CD81: variants seen among roughly 807,000 people sequenced by gnomAD.
The protein encoded by CD81 is CD81 antigen.
In CD81, 10 loss-of-function variants were observed where a neutral mutation model predicts 30.1. The ratio of observed to expected loss-of-function variants is 0.33; its 90% CI spans 0.21 to 0.56. CD81 has a LOEUF of 0.56. Ranked by LOEUF, CD81 falls within the 20% of genes least tolerant of loss-of-function variation. CD81 has a pLI of 0.89. For missense variants in CD81, 263 were observed against 308.7 expected (o/e 0.85, Z 1.11); for synonymous variants, 147 against 126.4 (o/e 1.16, Z -1.10).
intron 1 of CD81, among the ~76,000 whole-genome samples, chr11:2,379,638 G>A (rs1849670882): frequency 6.6e-6 from 1 of 152,068 alleles, no homozygotes; most frequent in Non-Finnish European, 1.5e-5. Context: ...AGCCCCCTGG[G>A]AGTGTCGCCA....
chr11:2,383,493 G>C (rs759729069), intron 1 of CD81, among the ~76,000 whole-genome samples: 2 of 152,148 alleles, frequency 1.3e-5, no homozygotes, highest in African/African-American at 4.8e-5. Context: ...CCTTCACCCA[G>C]TATCTCCAGG....
intron 1 of CD81, chr11:2,379,165 G>T (rs1452783106): frequency 2.2e-6 from 1 of 455,734 alleles, no homozygotes; most frequent in African/African-American, 2.0e-5. Context: ...CCAGACACAG[G>T]ATGTCCCTCT....
rs1442238073 is a variant in CD81, at chr11:2,396,679, A to G, written c.613A>G (p.Ile205Val). 4.3e-6 allele frequency: 7 copies of G among 1,611,956 alleles called. No individual in the cohort carries two copies. The East Asian group carries it at 8.9e-5, about 21-fold the overall frequency. ...CCTCTTCTCCGGGAAGCTGTACCTC[A>G]TCGGCATTGCTGCCATCGTGGTCGC... ...DDLFSGKLYL[I>V]GIAAIVVAVI... Residue 205 changes from isoleucine to valine, a missense_variant, in exon 7 of 8, where the codon ATC (isoleucine) becomes GTC (valine). Transcript: ENST00000263645.
At chr11:2,385,077 C>T (rs970375893) in intron 1 of CD81, among the ~76,000 whole-genome samples, 2 of 152,174 alleles carry the variant, frequency 1.3e-5, no homozygotes, top group East Asian at 1.9e-4. Context: ...CCCTGGGAAG[C>T]GTTGGCTCTG....
In CD81 at chr11:2,395,979, G is replaced by T; in HGVS notation, c.561+9G>T. The T allele has an allele frequency of 1.3e-6, 2 of 1,573,006 alleles. No homozygotes were observed. Among genetic ancestry groups the T allele is most frequent in the Non-Finnish European group, 1.7e-6 (2 of 1,144,634 alleles). On this transcript the variant is annotated intron_variant, in intron 6 of 7. Transcript: ENST00000263645. ...TCAGCAACCTCTTCAAGGTGCGCGAGGCCGGTGGGGCCGCGCCTGACCCCC... is the reference window on the plus strand; with the variant it reads ...TCAGCAACCTCTTCAAGGTGCGCGATGCCGGTGGGGCCGCGCCTGACCCCC...
chr11:2,386,703 C>T (rs571950353), intron 1 of CD81: 11 of 699,010 alleles, frequency 1.6e-5, no homozygotes, highest in Non-Finnish European at 1.9e-5. Context: ...GGGTGGCTCC[C>T]GACTACTTCT....
Position 2,397,238 on chromosome 11 carries a change from G to C in CD81, c.*372G>C, listed in dbSNP as rs1850030367. 5.4e-6 allele frequency: 2 copies of C among 370,782 alleles called. No individual in the cohort carries two copies. Among genetic ancestry groups the C allele is most frequent in the African/African-American group, 4.2e-5 (2 of 47,790 alleles). The allele number at this position is 370,782 out of a possible 1,614,324, so 23.0% of individuals were successfully genotyped here. A position where few individuals can be genotyped will look rare whatever the true frequency, so the allele number is the denominator to read the frequency against. ...TCCACCCAGCCCGCCCGTCCTGTGG[G>C]CTGCACAGCTCACCTTGTTCCCTCC... is the stretch of plus-strand genomic sequence containing the variant. On this transcript the variant is annotated 3_prime_UTR_variant, in exon 8 of 8. Transcript: ENST00000263645.
In CD81 at chr11:2,397,394, G is replaced by A; in HGVS notation, c.*528G>A. The A allele has an allele frequency of 4.9e-6, 1 of 203,918 alleles. No homozygotes were observed. The highest frequency in any genetic ancestry group is 1.0e-5 in the Non-Finnish European group (1 of 98,458). The allele number at this position is 203,918 out of a possible 1,614,324, so 12.6% of individuals were successfully genotyped here. ...TTAATAAAGAAGGAACATCAGGCATGCTACCAGGCCTGTGCAGTCCCTCAG... is the reference window on the plus strand; with the variant it reads ...TTAATAAAGAAGGAACATCAGGCATACTACCAGGCCTGTGCAGTCCCTCAG... On this transcript the variant is annotated 3_prime_UTR_variant, in exon 8 of 8. Coordinates refer to ENST00000263645, the MANE Select transcript of CD81 (RefSeq NM_004356.4).
intron 3 of CD81, 157 bp from the exon 4 acceptor site, chr11:2,394,815 C>T (rs549423236): frequency 1.6e-4 from 118 of 731,184 alleles, no homozygotes; most frequent in Non-Finnish European, 2.6e-4. Context: ...CTCTGTGCCC[C>T]AGGGCTCCAC....
At chr11:2,390,923 TGAGGGGTGGAGACGGGGCAGGG>T (rs1465052707) in intron 2 of CD81, among the ~76,000 whole-genome samples, 4 of 109,144 alleles carry the variant, frequency 3.7e-5, no homozygotes, top group African/African-American at 1.5e-4. Context: ...TGGAACCCAG[TGAGGGGTGGAGACGGGGCAGGG>T]GAGGGGTGGA....
rs1395486726 is a variant in CD81, at chr11:2,397,197, A to G, written c.*331A>G. ...ACTCGCCCAGAGACTCAGCTTGGCC[A>G]ACTTGGGGGGCTGTGTCCACCCAGC... On this transcript the variant is annotated 3_prime_UTR_variant, in exon 8 of 8. Coordinates refer to ENST00000263645, the MANE Select transcript of CD81 (RefSeq NM_004356.4). The G allele has an allele frequency of 6.3e-5, 27 of 428,054 alleles. No individual in the cohort carries two copies. Among genetic ancestry groups the G allele is most frequent in the Non-Finnish European group, 9.2e-5 (21 of 229,432 alleles). The allele number at this position is 428,054 out of a possible 1,614,324, so 26.5% of individuals were successfully genotyped here.
chr11:2,396,338 C>T (rs1005690107), intron 6 of CD81: 4 of 579,630 alleles, frequency 6.9e-6, no homozygotes, highest in South Asian at 4.0e-5. Context: ...CAGTGGAAGT[C>T]GTCATCAGTG....
intron 4 of CD81, 144 bp from the exon 5 acceptor site, chr11:2,395,272 C>A: frequency 1.3e-6 from 1 of 764,782 alleles, no homozygotes; most frequent in Non-Finnish European, 2.3e-6. Flanking sequence ...GCTGAGAGTG[C>A]AGAGTCCTTG....
chr11:2,393,915 C>A, intron 2 of CD81, 180 bp from the exon 3 acceptor site: 1 of 703,638 alleles, frequency 1.4e-6, no homozygotes, highest in South Asian at 1.5e-5. Flanking sequence ...GTAACTGAGG[C>A]ACAGAAAACT....
At chr11:2,386,409 G>C in intron 1 of CD81, 1 of 649,936 alleles carries the variant, frequency 1.5e-6, no homozygotes, top group South Asian at 1.7e-5. Context: ...TATGGGGCAG[G>C]GGCACCTGTG....
chr11:2,385,209 T>G (rs1849770015), intron 1 of CD81, among the ~76,000 whole-genome samples: 1 of 152,094 alleles, frequency 6.6e-6, no homozygotes, highest in Admixed American at 6.5e-5. Context: ...ACAGCTTTAT[T>G]TAGACGTGAT....
chr11:2,378,786 G>A lies in CD81; in HGVS notation c.66+1171G>A, dbSNP rs1849647448. On this transcript the variant is annotated intron_variant, in intron 1 of 7. Transcript: ENST00000263645. This position sits in a 1 kb window ranked among gnomAD's most constrained non-coding sequence, Gnocchi z 4.9. ...TCCCAGTGGACCGAGTGTTTCTCAA[G>A]TTGAGGCAGGGAGGGCAAACTTTTT... 6.6e-6 allele frequency among the ~76,000 whole-genome samples: 1 copy of A among 152,206 alleles called. No individual in the cohort carries two copies. The highest frequency in any genetic ancestry group is 1.5e-5 in the Non-Finnish European group (1 of 68,030).
At chr11:2,381,465 C>G (rs1214090979) in intron 1 of CD81, among the ~76,000 whole-genome samples, 3 of 152,228 alleles carry the variant, frequency 2.0e-5, no homozygotes, top group Non-Finnish European at 4.4e-5. Context: ...TGGTTCACCC[C>G]CAATCCCTTT....
chr11:2,393,702 G>A (rs940557464), intron 2 of CD81: 28 of 588,484 alleles, frequency 4.8e-5, no homozygotes, highest in Non-Finnish European at 7.3e-5. Flanking sequence ...CCCACCCCAC[G>A]CCAAGTCCCA....
Sources: allele counts gnomAD v4.1 joint callset (sites outside exome capture counted in the v4.1 genomes callset), GRCh38; gene constraint gnomAD v4.1.1; non-coding constraint Gnocchi (gnomAD v3.1); transcripts MANE v1.5; gene names NCBI Gene and HGNC (gene_info 2026-07-23, HGNC 2026-07-21).